The following PEX14 variants were observed in gnomAD, a reference collection of about 807,000 sequenced individuals.
The protein encoded by PEX14 is peroxisomal membrane protein PEX14.
PEX14 carries 15 observed loss-of-function variants against 49.5 expected under a neutral mutation model. The ratio of observed to expected loss-of-function variants is 0.30; its 90% CI spans 0.20 to 0.47. PEX14 has a LOEUF of 0.47. Ranked by LOEUF, PEX14 falls within the 20% of genes least tolerant of loss-of-function variation. The pLI, the probability that PEX14 is intolerant of heterozygous loss-of-function variation, is 1.00. For missense variants in PEX14, 398 were observed against 494.8 expected (o/e 0.80, Z 1.86); for synonymous variants, 210 against 212.7 (o/e 0.99, Z 0.11).
intron 2 of PEX14, among the ~76,000 whole-genome samples, chr1:10,522,842 G>T (rs1001847370): frequency 6.6e-6 from 1 of 152,148 alleles, no homozygotes. Flanking sequence ...TAAAACTTTT[G>T]GCTGGGAATT....
At chr1:10,483,386 GGCTTACT>G (rs1213558735) in intron 1 of PEX14, among the ~76,000 whole-genome samples, 2 of 151,728 alleles carry the variant, frequency 1.3e-5, no homozygotes, top group African/African-American at 4.9e-5. Context: ...GTATGATCTC[GGCTTACT>G]GCAATCTCCA....
chr1:10,502,534 T>A (rs1417853178), intron 2 of PEX14, among the ~76,000 whole-genome samples: 3 of 152,236 alleles, frequency 2.0e-5, no homozygotes, highest in Non-Finnish European at 4.4e-5. Flanking sequence ...CTTTTACAAA[T>A]AATTATTAGA....
At chr1:10,511,447 T>G (rs61777173) in intron 2 of PEX14, among the ~76,000 whole-genome samples, 121 of 152,328 alleles carry the variant, frequency 7.9e-4, no homozygotes, top group African/African-American at 2.8e-3. Context: ...GCTATCTGAT[T>G]GAGCGTGTCT....
rs149060217 is a variant in PEX14 at position 10,491,880 on chromosome 1, G to A, written c.37-3394G>A. On this transcript the variant is annotated intron_variant, in intron 1 of 8. Transcript: ENST00000356607. The stretch of plus-strand genomic sequence containing the variant: ...ATTTTTTTTGTAGAGACGGGGTTTC[G>A]CCATGTTGGCCAGGCTCATCTCTAA... Among the ~76,000 whole-genome samples, 153 of 151,734 alleles carry A rather than the reference G, an allele frequency of 1.0e-3. 1 individual carries two copies. The highest frequency in any genetic ancestry group is 9.5e-3 in the East Asian group (49 of 5,154).
intron 2 of PEX14, among the ~76,000 whole-genome samples, chr1:10,502,908 C>T (rs894900844): frequency 1.3e-5 from 2 of 151,394 alleles, no homozygotes; most frequent in Admixed American, 6.6e-5. Context: ...GGTGATTCTC[C>T]CACCTCAGCC....
At chr1:10,525,856 C>G (rs548078894) in intron 2 of PEX14, among the ~76,000 whole-genome samples, 2 of 152,054 alleles carry the variant, frequency 1.3e-5, no homozygotes, top group South Asian at 4.2e-4. Context: ...GAACTCTTGA[C>G]CTTGTGATCC....
chr1:10,532,509 G>A (rs1243227282), intron 2 of PEX14, among the ~76,000 whole-genome samples: 1 of 152,086 alleles, frequency 6.6e-6, no homozygotes, highest in Non-Finnish European at 1.5e-5. Context: ...CAGTGCAAGA[G>A]GAAGGGAAAG....
chr1:10,550,577 A>G (rs1639305225), intron 3 of PEX14, among the ~76,000 whole-genome samples: 1 of 152,250 alleles, frequency 6.6e-6, no homozygotes, highest in South Asian at 2.1e-4. Context: ...CTGAGATGAT[A>G]CGGTACAGAC....
intron 7 of PEX14, among the ~76,000 whole-genome samples, chr1:10,625,013 C>T (rs1324145727): frequency 6.6e-6 from 1 of 152,226 alleles, no homozygotes; most frequent in Non-Finnish European, 1.5e-5. Context: ...GGCGTGGCAG[C>T]TTCCAGGATC....
chr1:10,626,366 G>T (rs957284630), intron 7 of PEX14, among the ~76,000 whole-genome samples: 3 of 152,228 alleles, frequency 2.0e-5, no homozygotes, highest in African/African-American at 7.2e-5. Flanking sequence ...ACCCTGAGGG[G>T]CTGTGTCTGG....
chr1:10,594,157 TC>T (rs1640757709), intron 3 of PEX14, among the ~76,000 whole-genome samples: 3 of 152,222 alleles, frequency 2.0e-5, no homozygotes, highest in Non-Finnish European at 4.4e-5. Flanking sequence ...ACTCTACTGT[TC>T]CAACAAAATG....
chr1:10,537,346 C>CCT (rs774970527), intron 3 of PEX14, among the ~76,000 whole-genome samples: 1 of 75,382 alleles, frequency 1.3e-5, no homozygotes, highest in Non-Finnish European at 3.3e-5. Flanking sequence ...CCAGCACCCC[C>CCT]CCCCCCCGCC....
intron 1 of PEX14, among the ~76,000 whole-genome samples, chr1:10,493,974 G>A (rs1257876838): frequency 6.6e-6 from 1 of 152,204 alleles, no homozygotes; most frequent in African/African-American, 2.4e-5. Flanking sequence ...GTGGGCTGGA[G>A]CTCTAAAGGT....
chr1:10,485,299 GTTTT>G (rs941970919), intron 1 of PEX14, among the ~76,000 whole-genome samples: 1 of 100,720 alleles, frequency 9.9e-6, no homozygotes, highest in Non-Finnish European at 1.9e-5. Context: ...TTTGTGTGTG[GTTTT>G]TTTTTTTTTT....
chr1:10,599,062 C>A (rs1175996700), intron 3 of PEX14, among the ~76,000 whole-genome samples, 176 bp from the exon 4 acceptor site: 1 of 152,114 alleles, frequency 6.6e-6, no homozygotes, highest in Admixed American at 6.5e-5. Flanking sequence ...AATATTCTGT[C>A]GCTTAAGGTT....
At chr1:10,619,534 C>T (rs938020479) in intron 5 of PEX14, among the ~76,000 whole-genome samples, 3 of 151,918 alleles carry the variant, frequency 2.0e-5, no homozygotes, top group Non-Finnish European at 2.9e-5. Flanking sequence ...AGGCCGGTCT[C>T]GAACTCCTGA....
intron 3 of PEX14, among the ~76,000 whole-genome samples, chr1:10,537,339 G>GCCCCCCCC (rs1463981995): frequency 6.5e-4 from 8 of 12,320 alleles, no homozygotes; most frequent in Non-Finnish European, 7.1e-4. Context: ...CATTGTGCCA[G>GCCCCCCCC]CACCCCCCCC....
At chr1:10,489,047 CT>C (rs1225727475) in intron 1 of PEX14, among the ~76,000 whole-genome samples, 1 of 152,174 alleles carries the variant, frequency 6.6e-6, no homozygotes, top group Non-Finnish European at 1.5e-5. Flanking sequence ...ATGGCGCGAT[CT>C]CGGCTCACCG....
At chr1:10,561,238 A>G (rs539118070) in intron 3 of PEX14, among the ~76,000 whole-genome samples, 38 of 152,338 alleles carry the variant, frequency 2.5e-4, no homozygotes, top group South Asian at 2.5e-3. Flanking sequence ...CATCTGCTAT[A>G]TATCCCATAT....
Sources: gnomAD v4.1 joint callset for allele counts (sites outside exome capture counted in the v4.1 genomes callset) on GRCh38, gnomAD v4.1.1 for gene constraint, MANE v1.5 for transcripts, NCBI Gene and HGNC (gene_info 2026-07-23, HGNC 2026-07-21) for gene names.